The following ALK variants were observed in gnomAD, a reference collection of about 807,000 sequenced individuals.
The protein encoded by ALK is ALK receptor tyrosine kinase.
In ALK, 74 loss-of-function variants were observed where a neutral mutation model predicts 163.1. The observed-to-expected ratio is 0.45, with a 90% confidence interval of 0.38 to 0.55. ALK has a LOEUF of 0.55. ALK is among the 20% of genes least tolerant of loss of function. ALK has a pLI of 0.00. For synonymous variants in ALK, 960 were observed against 843.2 expected (o/e 1.14, Z -2.40); for missense variants, 2,063 against 2,105.3 (o/e 0.98, Z 0.39).
intron 4 of ALK, among the ~76,000 whole-genome samples, chr2:29,446,149 C>A (rs376704206): frequency 9.0e-6 from 1 of 111,282 alleles, no homozygotes; most frequent in Non-Finnish European, 2.0e-5. Flanking sequence ...CTCAAAAAAA[C>A]AAACAAAATA....
intron 1 of ALK, among the ~76,000 whole-genome samples, chr2:29,860,190 A>T (rs1572445028): frequency 6.6e-6 from 1 of 152,182 alleles, no homozygotes; most frequent in East Asian, 1.9e-4. Context: ...GAAATTCTTA[A>T]CGATGGAACT....
intron 4 of ALK, among the ~76,000 whole-genome samples, chr2:29,465,214 A>G (rs1671180521): frequency 6.6e-6 from 1 of 152,234 alleles, no homozygotes; most frequent in African/African-American, 2.4e-5. Context: ...GAGACCAAAT[A>G]TAAGAATGGC....
At chr2:29,519,475 T>C (rs1227854342) in intron 4 of ALK, among the ~76,000 whole-genome samples, 2 of 152,198 alleles carry the variant, frequency 1.3e-5, no homozygotes, top group Non-Finnish European at 2.9e-5. Context: ...CTAAGGACCT[T>C]GGGTATATGA....
chr2:29,852,447 T>C (rs144975823), intron 1 of ALK, among the ~76,000 whole-genome samples: 1 of 152,302 alleles, frequency 6.6e-6, no homozygotes, highest in African/African-American at 2.4e-5. Flanking sequence ...AGTAAGACAG[T>C]TGCTGACTAT....
rs773542942 is a variant in ALK, at chr2:29,383,863, G to T, written c.1155-4C>A. 2 of 1,613,928 alleles carry T rather than the reference G, an allele frequency of 1.2e-6. No individual in the cohort carries two copies. The highest frequency in any genetic ancestry group is 1.7e-6 in the Non-Finnish European group (2 of 1,179,960). On this transcript the variant is annotated splice_polypyrimidine_tract_variant and splice_region_variant and intron_variant, in intron 4 of 28. Coordinates refer to ENST00000389048, the MANE Select transcript of ALK (RefSeq NM_004304.5). ...TCTTCCCTGGAGCACTGTCCAACTG[G>T]TTGCATTGGAAAACAGAGGAGAAAA...
At chr2:29,593,203 A>G (rs191608783) in intron 3 of ALK, among the ~76,000 whole-genome samples, 32 of 152,304 alleles carry the variant, frequency 2.1e-4, no homozygotes, top group Admixed American at 1.7e-3. Flanking sequence ...CCAACGTAAC[A>G]TTGGTCTGTG....
chr2:29,804,087 CTT>C (rs1558495680), intron 1 of ALK, among the ~76,000 whole-genome samples: 1 of 152,346 alleles, frequency 6.6e-6, no homozygotes, highest in African/African-American at 2.4e-5. Flanking sequence ...AACTAAATCT[CTT>C]TTTCTTTTTG....
chr2:29,303,347 A>G (rs766928242), intron 8 of ALK, among the ~76,000 whole-genome samples: 1 of 152,226 alleles, frequency 6.6e-6, no homozygotes, highest in Non-Finnish European at 1.5e-5. Context: ...ATCTCACACC[A>G]GTCAGAATGG....
At chr2:29,646,343 T>C (rs1423325263) in intron 3 of ALK, among the ~76,000 whole-genome samples, 1 of 152,172 alleles carries the variant, frequency 6.6e-6, no homozygotes, top group Non-Finnish European at 1.5e-5. Context: ...ATACAAGTTG[T>C]CTTTTTCTTG....
intron 4 of ALK, among the ~76,000 whole-genome samples, chr2:29,384,840 C>G (rs1016906631): frequency 6.6e-6 from 1 of 152,084 alleles, no homozygotes; most frequent in Non-Finnish European, 1.5e-5. Flanking sequence ...ATCATGAGGT[C>G]AAGAGATTGA....
chr2:29,232,225 C>T (rs1289732981), intron 15 of ALK, 79 bp downstream of exon 15: 3 of 1,574,722 alleles, frequency 1.9e-6, no homozygotes, highest in South Asian at 1.1e-5. Flanking sequence ...CTAAGATGCC[C>T]TCAGGCATGC....
At chr2:29,510,498 C>A (rs899719244) in intron 4 of ALK, among the ~76,000 whole-genome samples, 2 of 152,064 alleles carry the variant, frequency 1.3e-5, no homozygotes, top group African/African-American at 2.4e-5. Context: ...TTTCCTTGAG[C>A]CTTAGTTTTA....
At chr2:29,563,403 C>T (rs556369184) in intron 3 of ALK, among the ~76,000 whole-genome samples, 1 of 152,258 alleles carries the variant, frequency 6.6e-6, no homozygotes, top group Non-Finnish European at 1.5e-5. Flanking sequence ...ATCTTCCTGC[C>T]TGATTTTGAG....
rs1156757437 is a variant in ALK, at chr2:29,246,218, G to T, written c.2204+4887C>A. ...AGGTAGGAAGGCAGGCAGGCTGGAG[G>T]GGGAGAGAGGGAAGAAGGAGGAAAG... On this transcript the variant is annotated intron_variant, in intron 12 of 28. Coordinates refer to ENST00000389048, the MANE Select transcript of ALK (RefSeq NM_004304.5). This position sits in a 1 kb window ranked among gnomAD's most constrained non-coding sequence, Gnocchi z 4.3. 6.6e-6 allele frequency among the ~76,000 whole-genome samples: 1 copy of T among 151,950 alleles called. No homozygotes were observed. The highest frequency in any genetic ancestry group is 2.4e-5 in the African/African-American group (1 of 41,348).
At chr2:29,258,149 T>C (rs1664995183) in intron 11 of ALK, among the ~76,000 whole-genome samples, 1 of 152,242 alleles carries the variant, frequency 6.6e-6, no homozygotes, top group Non-Finnish European at 1.5e-5. Context: ...TTTCTCGTTT[T>C]GAAGAAACTG....
At chr2:29,913,473 C>T (rs574083453) in intron 1 of ALK, among the ~76,000 whole-genome samples, 58 of 152,286 alleles carry the variant, frequency 3.8e-4, no homozygotes, top group African/African-American at 1.3e-3. Context: ...ACATTGGCCA[C>T]ACCCTAGACC....
intron 4 of ALK, among the ~76,000 whole-genome samples, chr2:29,499,882 C>T (rs988081206): frequency 1.3e-5 from 2 of 152,138 alleles, no homozygotes; most frequent in African/African-American, 4.8e-5. Flanking sequence ...TATACCTTCC[C>T]CTCTCCTTCC....
intron 4 of ALK, among the ~76,000 whole-genome samples, chr2:29,467,849 GT>G (rs1396886415): frequency 6.6e-6 from 1 of 152,072 alleles, no homozygotes; most frequent in African/African-American, 2.4e-5. Flanking sequence ...ATTTATTTTA[GT>G]TTTGGTAAAT....
At chr2:29,474,523 T>C (rs1289190227) in intron 4 of ALK, among the ~76,000 whole-genome samples, 1 of 152,236 alleles carries the variant, frequency 6.6e-6, no homozygotes, top group African/African-American at 2.4e-5. Flanking sequence ...CTGGTTGTGC[T>C]GATGGTGACA....
Sources: allele counts gnomAD v4.1 joint callset (sites outside exome capture counted in the v4.1 genomes callset), GRCh38; gene constraint gnomAD v4.1.1; non-coding constraint Gnocchi (gnomAD v3.1); transcripts MANE v1.5; gene names NCBI Gene and HGNC (gene_info 2026-07-23, HGNC 2026-07-21).